Variants in CDH5 observed in about 807,000 individuals in gnomAD.
CDH5 encodes the protein cadherin 5.
Under a neutral mutation model 62.0 loss-of-function variants are expected in CDH5, and 28 were observed. The ratio of observed to expected loss-of-function variants is 0.45; its 90% CI spans 0.33 to 0.62. CDH5 has a LOEUF of 0.62. Ranked by LOEUF, CDH5 falls within the 20% of genes least tolerant of loss-of-function variation. The pLI is 0.02. For missense variants in CDH5, 940 were observed against 1,065.1 expected (o/e 0.88, Z 1.63); for synonymous variants, 464 against 445.8 (o/e 1.04, Z -0.52).
chr16:66,395,289 G>T (rs1220573499), intron 7 of CDH5, among the ~76,000 whole-genome samples: 1 of 150,686 alleles, frequency 6.6e-6, no homozygotes, highest in African/African-American at 2.4e-5. Flanking sequence ...TAATTTTGTG[G>T]GGGCATCTGA....
intron 9 of CDH5, 46 bp from the exon 10 acceptor site, chr16:66,398,410 C>T (rs550766204): frequency 9.0e-6 from 11 of 1,225,902 alleles, no homozygotes; most frequent in Admixed American, 1.7e-5. Flanking sequence ...GACCACCCCA[C>T]CACCCCACCA....
At position 66,403,260 on chromosome 16, in the gene CDH5, T is replaced by G. The variant is rs1424827253; in HGVS notation, c.*91T>G. 2 of 1,220,598 alleles carry G rather than the reference T, an allele frequency of 1.6e-6. No homozygotes were observed. The highest frequency in any genetic ancestry group is 3.0e-5 in the African/African-American group (2 of 66,622). The allele number at this position is 1,220,598 out of a possible 1,614,324, so 75.6% of individuals were successfully genotyped here. On this transcript the variant is annotated 3_prime_UTR_variant, in exon 12 of 12. Transcript: ENST00000341529. This position sits in a 1 kb window ranked among gnomAD's most constrained non-coding sequence, Gnocchi z 4.3. Reference sequence around the variant, plus strand: ...GCACCACAGCCTCCAAAAATGGCAGTGACTCCCCAGCCCAGCACCCCTTCC... The same window carrying G: ...GCACCACAGCCTCCAAAAATGGCAGGGACTCCCCAGCCCAGCACCCCTTCC...
At chr16:66,392,031 A>G (rs1027797719) in intron 6 of CDH5, 105 bp from the exon 7 acceptor site, 8 of 1,393,976 alleles carry the variant, frequency 5.7e-6, no homozygotes, top group Non-Finnish European at 8.0e-6. Flanking sequence ...TCATCTATAA[A>G]ATGGGTGTCA....
chr16:66,372,338 T>C (rs1274472306), intron 1 of CDH5, among the ~76,000 whole-genome samples: 4 of 152,256 alleles, frequency 2.6e-5, no homozygotes, highest in African/African-American at 4.8e-5. Flanking sequence ...GCTGCATGAC[T>C]GTATAACCCC....
chr16:66,387,235 T>C, intron 3 of CDH5, 138 bp downstream of exon 3: 6 of 788,688 alleles, frequency 7.6e-6, no homozygotes, highest in South Asian at 5.5e-5. Context: ...GTTGCCACTT[T>C]ACATGATTTG....
At chr16:66,376,171 A>C (rs1960783678) in intron 1 of CDH5, among the ~76,000 whole-genome samples, 1 of 152,178 alleles carries the variant, frequency 6.6e-6, no homozygotes, top group African/African-American at 2.4e-5. Flanking sequence ...ACCTAATATA[A>C]CATTTTTTAT....
chr16:66,402,665 C>G lies in CDH5; in HGVS notation c.1851C>G (p.Leu617=). The change falls in exon 12 of 12, where the codon CTC becomes CTG. Residue 617 remains leucine (L), a synonymous_variant. Coordinates refer to ENST00000341529, the MANE Select transcript of CDH5 (RefSeq NM_001795.5). ...CILTITVITL[L]IFLRRRLRKQ... ...CCCTGGCTGCAGTGATCACCCTGCTCATCTTCCTGCGGCGGCGGCTCCGGA... is the reference window on the plus strand; with the variant it reads ...CCCTGGCTGCAGTGATCACCCTGCTGATCTTCCTGCGGCGGCGGCTCCGGA... 3.8e-6 allele frequency: 6 copies of G among 1,596,914 alleles called. No homozygotes were observed. Among genetic ancestry groups the G allele is most frequent in the Non-Finnish European group, 5.1e-6 (6 of 1,173,260 alleles).
intron 1 of CDH5, among the ~76,000 whole-genome samples, chr16:66,372,009 G>A (rs1960700910): frequency 6.6e-6 from 1 of 151,996 alleles, no homozygotes; most frequent in Non-Finnish European, 1.5e-5. Flanking sequence ...CGATCTCACA[G>A]CCCCTTGGAG....
In CDH5 at chr16:66,401,004, C is replaced by T; in HGVS notation, c.1825C>T (p.Leu609Phe). 6.2e-7 allele frequency: 1 copy of T among 1,614,038 alleles called. No individual in the cohort carries two copies. Among genetic ancestry groups the T allele is most frequent in the Non-Finnish European group, 8.5e-7 (1 of 1,180,052 alleles). Residue 609 changes from leucine (L) to phenylalanine (F), a missense_variant, in exon 11 of 12, where the codon CTC becomes TTC. By Grantham distance (22) the Leu-to-Phe change is conservative. Coordinates refer to ENST00000341529, the MANE Select transcript of CDH5 (RefSeq NM_001795.5). ...QAVVAILLCILTITVITLLIF... is the reference protein window; with the variant it reads ...QAVVAILLCIFTITVITLLIF... ...AGTGGTAGCCATCTTACTCTGCATC[C>T]TCACCATCACAGGTCAGTGCTGGGC...
At position 66,404,589 on chromosome 16, in the gene CDH5, A is replaced by C. The variant is rs925001765; in HGVS notation, c.*1420A>C. Reference sequence around the variant, plus strand: ...AGACATATAGAATAAGGGTTTTTGCATAATAAGCAGGTTGTTATTTAGGTT... The same window carrying C: ...AGACATATAGAATAAGGGTTTTTGCCTAATAAGCAGGTTGTTATTTAGGTT... On this transcript the variant is annotated 3_prime_UTR_variant, in exon 12 of 12. Coordinates refer to ENST00000341529, the MANE Select transcript of CDH5 (RefSeq NM_001795.5). The C allele has an allele frequency of 6.6e-6, 1 of 152,424 alleles. No homozygotes were observed. Among genetic ancestry groups the C allele is most frequent in the South Asian group, 2.1e-4 (1 of 4,824 alleles). The allele number at this position is 152,424 out of a possible 1,614,324, so 9.4% of individuals were successfully genotyped here.
At chr16:66,396,370 C>T (rs1159946962) in intron 8 of CDH5, among the ~76,000 whole-genome samples, 169 bp downstream of exon 8, 1 of 152,250 alleles carries the variant, frequency 6.6e-6, no homozygotes, top group Non-Finnish European at 1.5e-5. Context: ...GGTCCTTGAA[C>T]CCAGCAGTAT....
chr16:66,391,264 A>C (rs1961078823), intron 6 of CDH5, among the ~76,000 whole-genome samples: 1 of 152,212 alleles, frequency 6.6e-6, no homozygotes, highest in Admixed American at 6.5e-5. Context: ...GTGTCAGCAA[A>C]GGTCTCAGCG....
In CDH5 at chr16:66,372,000, G is replaced by A. The variant is rs1290535854; in HGVS notation, c.-20+5242G>A. 4.6e-5 allele frequency among the ~76,000 whole-genome samples: 7 copies of A among 151,890 alleles called. No homozygotes were observed. The East Asian group carries it at 9.7e-4, about 21-fold the overall frequency. ...CTGTAACTCAGCACAGAGCTGAGCC[G>A]ATCTCACAGCCCCTTGGAGGCAGAA... On this transcript the variant is annotated intron_variant, in intron 1 of 11. Transcript: ENST00000341529.
intron 3 of CDH5, among the ~76,000 whole-genome samples, chr16:66,387,435 A>C (rs1961005811): frequency 6.6e-6 from 1 of 152,178 alleles, no homozygotes; most frequent in African/African-American, 2.4e-5. Context: ...TCACAGACCA[A>C]GCCCTGATCC....
At chr16:66,398,427 C>A in intron 9 of CDH5, 29 bp from the exon 10 acceptor site, 1 of 1,385,446 alleles carries the variant, frequency 7.2e-7, no homozygotes, top group African/African-American at 1.4e-5. Context: ...ACCACCATCA[C>A]TGACCATCTC....
chr16:66,385,526 CT>C (rs1960968167), intron 2 of CDH5, among the ~76,000 whole-genome samples: 1 of 152,136 alleles, frequency 6.6e-6, no homozygotes, highest in African/African-American at 2.4e-5. Context: ...CAGGGGTGTG[CT>C]GATATATGTT....
chr16:66,370,937 A>T (rs1960676531), intron 1 of CDH5, among the ~76,000 whole-genome samples: 1 of 152,226 alleles, frequency 6.6e-6, no homozygotes, highest in African/African-American at 2.4e-5. Flanking sequence ...GCTAGGCCTT[A>T]AGGGCTGGCT....
intron 1 of CDH5, chr16:66,376,386 G>A (rs1054700606): frequency 2.6e-5 from 4 of 152,070 alleles, no homozygotes; most frequent in African/African-American, 4.8e-5. Flanking sequence ...CGCTGGCTGC[G>A]GTCAGCCCTA....
intron 2 of CDH5, 154 bp downstream of exon 2, chr16:66,379,701 T>C (rs1960852664): frequency 1.5e-6 from 1 of 670,150 alleles, no homozygotes; most frequent in South Asian, 1.8e-5. Flanking sequence ...GCAATAGTGG[T>C]AGAGGTCGTG....
Sources: allele counts gnomAD v4.1 joint callset (sites outside exome capture counted in the v4.1 genomes callset), GRCh38; gene constraint gnomAD v4.1.1; non-coding constraint Gnocchi (gnomAD v3.1); transcripts MANE v1.5; gene names NCBI Gene and HGNC (gene_info 2026-07-23, HGNC 2026-07-21).